Variants in ANKS3 observed in about 807,000 individuals in gnomAD.
The protein encoded by ANKS3 is ankyrin repeat and SAM domain-containing protein 3.
ANKS3 carries 62 observed loss-of-function variants against 80.7 expected under a neutral mutation model. The ratio of observed to expected loss-of-function variants is 0.77; its 90% confidence interval spans 0.63 to 0.95. The LOEUF (loss-of-function observed/expected upper bound fraction) is 0.95. ANKS3 is among the 40% of genes least tolerant of loss of function. The pLI, the probability that ANKS3 is intolerant of heterozygous loss-of-function variation, is 0.00. For synonymous variants in ANKS3, 489 were observed against 355.3 expected (o/e 1.38, Z -4.23); for missense variants, 1,150 against 883.6 (o/e 1.30, Z -3.82).
Position 4,718,158 on chromosome 16 carries a change from G to C in ANKS3, c.574-3972C>G, listed in dbSNP as rs193001582. 9.3e-5 allele frequency among the ~76,000 whole-genome samples: 14 copies of C among 150,412 alleles called. No individual in the cohort carries two copies. The Admixed American group carries it at 9.3e-4, about 10-fold the overall frequency. The stretch of plus-strand genomic sequence containing the variant: ...CTGGTCTCCAACTCCAGCCTCAAGC[G>C]ATCTTCCCACTTTGGCCTCTAAAAG... On this transcript the variant is annotated intron_variant, in intron 6 of 17. Coordinates refer to ENST00000304283, the MANE Select transcript of ANKS3 (RefSeq NM_133450.4).
chr16:4,702,074 C>A, intron 9 of ANKS3, 28 bp downstream of exon 9: 2 of 1,548,386 alleles, frequency 1.3e-6, no homozygotes, highest in South Asian at 2.4e-5. Context: ...GCCTGAGCCA[C>A]GGGCCGGATG....
chr16:4,732,576 G>A (rs2081682842), intron 1 of ANKS3, among the ~76,000 whole-genome samples: 1 of 151,386 alleles, frequency 6.6e-6, no homozygotes, highest in African/African-American at 2.4e-5. Flanking sequence ...TCAGTACTCA[G>A]GAGGCTGAGG....
rs1444083605 is a variant in ANKS3, at chr16:4,700,801, C to T, written c.1284+169G>A. 3.3e-6 allele frequency: 3 copies of T among 909,388 alleles called. No homozygotes were observed. The South Asian group carries it at 3.9e-5, about 12-fold the overall frequency. The allele number at this position is 909,388 out of a possible 1,614,324, so 56.3% of individuals were successfully genotyped here. A position where few individuals can be genotyped will look rare whatever the true frequency, so the allele number is the denominator to read the frequency against. The stretch of plus-strand genomic sequence containing the variant: ...GAGTAGAAGCGCTGCAGCGGGGCTG[C>T]CAGCCATGGAGCCGGCTGTGAGCCT... On this transcript the variant is annotated intron_variant, in intron 11 of 17. Transcript: ENST00000304283.
At chr16:4,706,368 C>T (rs1567339703) in intron 7 of ANKS3, among the ~76,000 whole-genome samples, 2 of 151,948 alleles carry the variant, frequency 1.3e-5, no homozygotes, top group East Asian at 1.9e-4. Flanking sequence ...GTAGCTGGGA[C>T]TACAGGCACC....
chr16:4,725,694 G>A (rs1334574309), intron 5 of ANKS3, among the ~76,000 whole-genome samples: 1 of 152,150 alleles, frequency 6.6e-6, no homozygotes, highest in Non-Finnish European at 1.5e-5. Flanking sequence ...TTTTGCTCTT[G>A]TTGCTCAGGC....
rs954825715 is a variant in ANKS3 at position 4,696,803 on chromosome 16, T to C, written c.*105A>G. On this transcript the variant is annotated 3_prime_UTR_variant, in exon 18 of 18. Coordinates refer to ENST00000304283, the MANE Select transcript of ANKS3 (RefSeq NM_133450.4). ...CGGGGCCTGATCCTCTGGCCCCCACTGGGCCTGGGCTGCACATGGCAGCTA... is the reference window on the plus strand; with the variant it reads ...CGGGGCCTGATCCTCTGGCCCCCACCGGGCCTGGGCTGCACATGGCAGCTA... The C allele has an allele frequency of 7.9e-5, 47 of 592,666 alleles. 1 individual carries two copies. The South Asian group carries it at 9.4e-4, about 12-fold the overall frequency. The allele number at this position is 592,666 out of a possible 1,614,324, so 36.7% of individuals were successfully genotyped here. A position where few individuals can be genotyped will look rare whatever the true frequency, so the allele number is the denominator to read the frequency against.
chr16:4,697,659 G>A (rs1027407539), intron 15 of ANKS3, among the ~76,000 whole-genome samples: 1 of 152,230 alleles, frequency 6.6e-6, no homozygotes, highest in Non-Finnish European at 1.5e-5. Flanking sequence ...CTGCCGGTGG[G>A]GACCCGGGTC....
In ANKS3 at chr16:4,698,854, G is replaced by C; in HGVS notation, c.1497C>G (p.Ala499=). 3 of 1,606,286 alleles carry C rather than the reference G, an allele frequency of 1.9e-6. No homozygotes were observed. Among genetic ancestry groups the C allele is most frequent in the Non-Finnish European group, 2.6e-6 (3 of 1,176,072 alleles). ...ARPPGDALEL[A]YADRLEAEMQ... ...TCTCAGCCTCCAGCCGGTCGGCGTA[G>C]GCCAGCTCCAGGGCATCCCCGGGTG... The change falls in exon 13 of 18, where the codon GCC becomes GCG. Residue 499 remains alanine, a synonymous_variant. Coordinates refer to ENST00000304283, the MANE Select transcript of ANKS3 (RefSeq NM_133450.4).
At position 4,697,386 on chromosome 16, in the gene ANKS3, G is replaced by C; in HGVS notation, c.1841C>G (p.Ala614Gly). The C allele has an allele frequency of 6.2e-7, 1 of 1,610,032 alleles. No homozygotes were observed. Among genetic ancestry groups the C allele is most frequent in the Non-Finnish European group, 8.5e-7 (1 of 1,178,474 alleles). ...DSKGWQASLQ[A>G]MSLPELSGAL... ...TCCCGAGAGCTCGGGGAGGCTCATG[G>C]CCTGCAGGGACGCTTGCCAGCCCTT... is the stretch of plus-strand genomic sequence containing the variant. The change falls in exon 16 of 18, where the codon GCC (alanine) becomes GGC (glycine). Residue 614 changes from alanine (A) to glycine (G), a missense_variant. Physicochemically the swap from Ala to Gly is moderately conservative, Grantham distance 60 (BLOSUM62 0). Transcript: ENST00000304283.
chr16:4,712,818 G>A (rs1418988140), intron 7 of ANKS3, among the ~76,000 whole-genome samples: 1 of 152,136 alleles, frequency 6.6e-6, no homozygotes, highest in Non-Finnish European at 1.5e-5. Flanking sequence ...CAAAAGAACG[G>A]TGCAATTCAA....
At chr16:4,697,154 G>C in intron 16 of ANKS3, 50 bp from the exon 17 acceptor site, 3 of 1,595,192 alleles carry the variant, frequency 1.9e-6, no homozygotes, top group Non-Finnish European at 2.6e-6. Context: ...AGGAGGGCTG[G>C]GTGGTGCTGC....
chr16:4,719,512 G>T (rs1421755605), intron 6 of ANKS3, among the ~76,000 whole-genome samples: 1 of 151,710 alleles, frequency 6.6e-6, no homozygotes, highest in Admixed American at 6.6e-5. Flanking sequence ...ATCTGTCAAA[G>T]AATTATCTGG....
Position 4,733,160 on chromosome 16 carries a change from G to T in ANKS3, c.-71+778C>A, listed in dbSNP as rs115641665. On this transcript the variant is annotated intron_variant, in intron 1 of 17. Transcript: ENST00000304283. Reference sequence around the variant, plus strand: ...TGAATAAGATCTAGTATTTGATCAAGCCACTGCACTCCAGCCTGGGCGACA... The same window carrying T: ...TGAATAAGATCTAGTATTTGATCAATCCACTGCACTCCAGCCTGGGCGACA... Among the ~76,000 whole-genome samples, 966 of 117,170 alleles carry T rather than the reference G, an allele frequency of 8.2e-3. 13 individuals carry two copies. The highest frequency in any genetic ancestry group is 0.03 in the African/African-American group (912 of 29,910). The allele number at this position is 117,170 out of a possible 152,430, so 76.9% of individuals were successfully genotyped here.
At chr16:4,717,333 G>C (rs2080854441) in intron 6 of ANKS3, 1 of 152,162 alleles carries the variant, frequency 6.6e-6, no homozygotes, top group South Asian at 2.1e-4. Flanking sequence ...CGGATCACTT[G>C]AGGTCAGGAG....
chr16:4,715,383 G>A (rs2080739963), intron 6 of ANKS3, among the ~76,000 whole-genome samples: 1 of 152,232 alleles, frequency 6.6e-6, no homozygotes, highest in Non-Finnish European at 1.5e-5. Flanking sequence ...AGGCAGGGAA[G>A]CCAGAGCCAA....
chr16:4,702,018 G>C lies in ANKS3; in HGVS notation c.1009+84C>G, dbSNP rs201970088. ...TGCTGGATGGCTGTGTCCAGCGCCA[G>C]GCCCAGGGGATAAGTGGGGATGGGC... is the stretch of plus-strand genomic sequence containing the variant. On this transcript the variant is annotated intron_variant, in intron 9 of 17. Coordinates refer to ENST00000304283, the MANE Select transcript of ANKS3 (RefSeq NM_133450.4). The C allele has an allele frequency of 7.6e-4, 1,111 of 1,454,052 alleles. 2 individuals are homozygous for C. Among genetic ancestry groups the C allele is most frequent in the Non-Finnish European group, 8.8e-4 (964 of 1,095,724 alleles). The allele number at this position is 1,454,052 out of a possible 1,614,324, so 90.1% of individuals were successfully genotyped here. A position where few individuals can be genotyped will look rare whatever the true frequency, so the allele number is the denominator to read the frequency against.
At chr16:4,711,410 A>C (rs1019766854) in intron 7 of ANKS3, among the ~76,000 whole-genome samples, 1 of 151,788 alleles carries the variant, frequency 6.6e-6, no homozygotes, top group Non-Finnish European at 1.5e-5. Flanking sequence ...GCCCTGAAAC[A>C]GAATATTTTA....
chr16:4,733,115 T>C (rs1016393879), intron 1 of ANKS3, among the ~76,000 whole-genome samples: 1 of 139,816 alleles, frequency 7.2e-6, no homozygotes, highest in African/African-American at 2.7e-5. Context: ...GGATGCTTAA[T>C]GGATACAAAA....
At chr16:4,715,015 AGG>A (rs2080717323) in intron 6 of ANKS3, among the ~76,000 whole-genome samples, 2 of 150,470 alleles carry the variant, frequency 1.3e-5, no homozygotes, top group East Asian at 2.0e-4. Flanking sequence ...AAAAAAAAAA[AGG>A]ATGTTTGGCA....
Sources: gnomAD v4.1 joint callset for allele counts (sites outside exome capture counted in the v4.1 genomes callset) on GRCh38, gnomAD v4.1.1 for gene constraint, MANE v1.5 for transcripts, NCBI Gene and HGNC (gene_info 2026-07-23, HGNC 2026-07-21) for gene names.